WWC1: variants seen among roughly 807,000 people sequenced by gnomAD.
WWC1 encodes WW and C2 domain containing 1.
WWC1 carries 55 observed loss-of-function variants against 138.4 expected under a neutral mutation model. That is an observed-to-expected ratio of 0.40 (90% CI 0.32 to 0.50). The LOEUF is 0.50. Ranked by LOEUF, WWC1 falls within the 20% of genes least tolerant of loss-of-function variation. The pLI is 0.72. For missense variants in WWC1, 1,226 were observed against 1,420.4 expected, an observed-to-expected ratio of 0.86 and a Z score of 2.20; for synonymous variants, 524 against 564.9, an observed-to-expected ratio of 0.93 and a Z score of 1.03.
chr5:168,302,279 C>A (rs1290674300), intron 1 of WWC1, among the ~76,000 whole-genome samples: 2 of 152,154 alleles, frequency 1.3e-5, no homozygotes, highest in Non-Finnish European at 2.9e-5. Flanking sequence ...TCCCACCCAG[C>A]GGGGGGTTGG....
chr5:168,332,974 A>G (rs539018909), intron 1 of WWC1, among the ~76,000 whole-genome samples: 4 of 152,162 alleles, frequency 2.6e-5, no homozygotes, highest in East Asian at 3.9e-4. Context: ...CTCCCAAAGT[A>G]CTGGGATTAC....
chr5:168,399,160 C>T (rs1025626881), intron 4 of WWC1, among the ~76,000 whole-genome samples: 1 of 152,188 alleles, frequency 6.6e-6, no homozygotes, highest in East Asian at 1.9e-4. Flanking sequence ...GATGGCAAGA[C>T]AGCTTGAGAG....
At chr5:168,414,719 A>C (rs948434633) in intron 9 of WWC1, 129 bp downstream of exon 9, 26 of 1,313,116 alleles carry the variant, frequency 2.0e-5, no homozygotes, top group Non-Finnish European at 2.5e-5. Flanking sequence ...CAGTTCAGAG[A>C]TCTCTCAGGT....
chr5:168,344,685 T>C (rs939434202), intron 1 of WWC1, among the ~76,000 whole-genome samples: 3 of 152,236 alleles, frequency 2.0e-5, no homozygotes, highest in African/African-American at 7.2e-5. Flanking sequence ...TAGCATTGCG[T>C]CTGTCACAGC....
Position 168,423,586 on chromosome 5 carries a change from C to T in WWC1, c.1328C>T (p.Thr443Met), listed in dbSNP as rs577213616. The part of the protein sequence containing the change: ...LSSGSSPGSL[T>M]SSRGSLVASS... ...TCAGGCAGCAGCCCCGGATCCCTCA[C>T]GTCCAGCCGGGGCTCCCTGGTTGCA... is the stretch of plus-strand genomic sequence containing the variant. The change falls in exon 11 of 23, where the codon ACG becomes ATG. Residue 443 changes from threonine to methionine, a missense_variant. Physicochemically the swap from Thr to Met is moderately conservative, Grantham distance 81. Transcript: ENST00000265293. 9 of 1,614,066 alleles carry T rather than the reference C, an allele frequency of 5.6e-6. No homozygotes were observed. The highest frequency in any genetic ancestry group is 2.2e-5 in the East Asian group (1 of 44,866).
chr5:168,400,846 GA>G (rs1779253081), intron 5 of WWC1, among the ~76,000 whole-genome samples: 3 of 147,344 alleles, frequency 2.0e-5, no homozygotes. Flanking sequence ...GAGAGAAGGG[GA>G]GGGGAGGAGA....
intron 5 of WWC1, among the ~76,000 whole-genome samples, chr5:168,400,780 C>G (rs1421367820): frequency 6.6e-6 from 1 of 150,624 alleles, no homozygotes; most frequent in East Asian, 2.0e-4. Context: ...CCACTGCACT[C>G]CAGTCTGAGT....
chr5:168,432,539 C>A (rs1354865543), intron 15 of WWC1, among the ~76,000 whole-genome samples: 1 of 152,182 alleles, frequency 6.6e-6, no homozygotes, highest in Non-Finnish European at 1.5e-5. Context: ...GCTTTGTTAA[C>A]CCTGATGCCA....
intron 1 of WWC1, among the ~76,000 whole-genome samples, chr5:168,362,521 C>G (rs1261302527): frequency 3.3e-5 from 5 of 152,150 alleles, no homozygotes; most frequent in Non-Finnish European, 5.9e-5. Context: ...AGTGCCTGTC[C>G]CCAAAGGTGT....
intron 1 of WWC1, among the ~76,000 whole-genome samples, chr5:168,357,893 C>T (rs941231529): frequency 2.6e-5 from 4 of 152,232 alleles, no homozygotes; most frequent in Non-Finnish European, 5.9e-5. Context: ...TTGTGCAGAG[C>T]TCCTTTGTAA....
At chr5:168,414,641 G>A in intron 9 of WWC1, 51 bp downstream of exon 9, 1 of 1,499,028 alleles carries the variant, frequency 6.7e-7, no homozygotes, top group African/African-American at 1.4e-5. Flanking sequence ...CTGGCAGTCT[G>A]TCCTCAGCCC....
In WWC1 at chr5:168,347,127, C is replaced by T. The variant is rs535006456; in HGVS notation, c.120-24297C>T. ...AGGGTCCTTGGATGTCACCCCCAGACGTTGGCAATGTCCCCAGCCGACTGA... is the reference window on the plus strand; with the variant it reads ...AGGGTCCTTGGATGTCACCCCCAGATGTTGGCAATGTCCCCAGCCGACTGA... On this transcript the variant is annotated intron_variant, in intron 1 of 22. Transcript: ENST00000265293. Among the ~76,000 whole-genome samples, 52 of 152,316 alleles carry T rather than the reference C, an allele frequency of 3.4e-4. 1 individual carries two copies. Among genetic ancestry groups the T allele is most frequent in the Middle Eastern group, 3.4e-3 (1 of 294 alleles).
chr5:168,334,680 A>T (rs993358297), intron 1 of WWC1, among the ~76,000 whole-genome samples: 1 of 152,182 alleles, frequency 6.6e-6, no homozygotes, highest in African/African-American at 2.4e-5. Flanking sequence ...GCTGTTTACC[A>T]CAAAACTGTA....
intron 15 of WWC1, among the ~76,000 whole-genome samples, chr5:168,435,076 A>G (rs184383066): frequency 1.4e-4 from 22 of 152,284 alleles, no homozygotes; most frequent in African/African-American, 5.1e-4. Context: ...TGAGCCCTCA[A>G]TGCTGCCCAG....
At chr5:168,328,517 A>G (rs1180522276) in intron 1 of WWC1, among the ~76,000 whole-genome samples, 1 of 152,064 alleles carries the variant, frequency 6.6e-6, no homozygotes, top group African/African-American at 2.4e-5. Context: ...ATTGCCACTG[A>G]CCTGCAATCT....
chr5:168,399,899 A>G (rs1295334541), intron 5 of WWC1, among the ~76,000 whole-genome samples: 3 of 152,162 alleles, frequency 2.0e-5, no homozygotes, highest in Non-Finnish European at 4.4e-5. Context: ...CACACGCCTC[A>G]TCTCTAGTCA....
At chr5:168,441,034 C>T (rs1246373325) in intron 15 of WWC1, among the ~76,000 whole-genome samples, 1 of 152,096 alleles carries the variant, frequency 6.6e-6, no homozygotes, top group African/African-American at 2.4e-5. Context: ...ACCGCATCAC[C>T]GCACTCCAGC....
intron 1 of WWC1, among the ~76,000 whole-genome samples, chr5:168,361,800 C>T (rs1056111040): frequency 3.3e-5 from 5 of 152,108 alleles, no homozygotes; most frequent in Non-Finnish European, 5.9e-5. Context: ...AAAAATAAAT[C>T]ACTGGGTGCG....
intron 3 of WWC1, among the ~76,000 whole-genome samples, chr5:168,396,510 T>C (rs1216794328): frequency 1.3e-5 from 2 of 152,230 alleles, no homozygotes; most frequent in Admixed American, 1.3e-4. Context: ...TCCTACAGTG[T>C]GATTAAGGAC....
Sources: gnomAD v4.1 joint callset for allele counts (sites outside exome capture counted in the v4.1 genomes callset) on GRCh38, gnomAD v4.1.1 for gene constraint, MANE v1.5 for transcripts, NCBI Gene and HGNC (gene_info 2026-07-23, HGNC 2026-07-21) for gene names.